TYW3: variants seen among roughly 807,000 people sequenced by gnomAD.
TYW3 encodes tRNA wybutosine-synthesizing protein 3 homolog.
TYW3 carries 26 observed loss-of-function variants against 23.1 expected under a neutral mutation model. That is an observed-to-expected ratio of 1.13 (90% CI 0.83 to 1.56). The LOEUF (loss-of-function observed/expected upper bound fraction) is 1.56. TYW3 is among the 40% of genes most tolerant of loss of function. TYW3 has a pLI of 0.00. For missense variants in TYW3, 316 were observed against 311.9 expected (o/e 1.01, Z -0.10); for synonymous variants, 102 against 105.7 (o/e 0.97, Z 0.21).
At chr1:74,754,486 A>G (rs954000746) in intron 5 of TYW3, among the ~76,000 whole-genome samples, 3 of 152,178 alleles carry the variant, frequency 2.0e-5, no homozygotes, top group Admixed American at 6.5e-5. Flanking sequence ...TGTATGTTCA[A>G]CCAAATGCAG....
chr1:74,752,549 C>A (rs1648822709), intron 5 of TYW3, 124 bp downstream of exon 5: 1 of 830,764 alleles, frequency 1.2e-6, no homozygotes, highest in Non-Finnish European at 1.7e-6. Context: ...TTTAAAAATA[C>A]TTTTATTATC....
In TYW3 at chr1:74,736,525, G is replaced by A. The variant is rs1438131504; in HGVS notation, c.175-17G>A. 6.4e-7 allele frequency: 1 copy of A among 1,559,172 alleles called. No homozygotes were observed. Among genetic ancestry groups the A allele is most frequent in the Non-Finnish European group, 8.7e-7 (1 of 1,149,130 alleles). On this transcript the variant is annotated splice_polypyrimidine_tract_variant and intron_variant, in intron 1 of 5. Transcript: ENST00000370867. ...AAATATTATATGAAACTTAAATTATGTTATTTTTTATTTTAGGGTATAAAT... is the reference window on the plus strand; with the variant it reads ...AAATATTATATGAAACTTAAATTATATTATTTTTTATTTTAGGGTATAAAT...
chr1:74,755,053 C>T (rs958494451), intron 5 of TYW3, among the ~76,000 whole-genome samples: 2 of 152,120 alleles, frequency 1.3e-5, no homozygotes, highest in African/African-American at 4.8e-5. Context: ...TTTTCACCAA[C>T]TGTGTAATGA....
intron 1 of TYW3, 105 bp downstream of exon 1, chr1:74,733,523 C>T: frequency 1.3e-6 from 2 of 1,482,898 alleles, no homozygotes; most frequent in Non-Finnish European, 1.8e-6. Context: ...GTGTTTGCTC[C>T]TCTGAGGGGT....
intron 4 of TYW3, 77 bp from the exon 5 acceptor site, chr1:74,752,215 T>G: frequency 6.9e-7 from 1 of 1,454,358 alleles, no homozygotes; most frequent in Non-Finnish European, 9.3e-7. Flanking sequence ...AACACAGCCC[T>G]GACGGGACTT....
Position 74,752,349 on chromosome 1 carries a change from G to A in TYW3, c.484G>A (p.Val162Met), listed in dbSNP as rs757885611. Residue 162 changes from valine (V) to methionine (M), a missense_variant, in exon 5 of 6, where the codon GTG becomes ATG. Physicochemically the swap from Val to Met is conservative, Grantham distance 21. Transcript: ENST00000370867. Reference protein sequence around the residue: ...VPLSHKGKLMVTEEYIDFLLN... With the variant: ...VPLSHKGKLMMTEEYIDFLLN... ...ATTAAGCCATAAGGGAAAACTGATG[G>A]TGACAGAGGAATATATTGACTTCCT... 1.2e-5 allele frequency: 19 copies of A among 1,613,576 alleles called. No individual in the cohort carries two copies. In the East Asian group the frequency reaches 3.1e-4, roughly 27 times the overall value.
At position 74,741,851 on chromosome 1, in the gene TYW3, A is replaced by G. The variant is rs372913257; in HGVS notation, c.354+3063A>G. The stretch of plus-strand genomic sequence containing the variant: ...TGTTAGTTTTCTTAAGTGCCTCTTG[A>G]GTGTTTCATTTGCCTTCTCGACCTT... On this transcript the variant is annotated intron_variant, in intron 3 of 5. Coordinates refer to ENST00000370867, the MANE Select transcript of TYW3 (RefSeq NM_138467.3). 1.1e-3 allele frequency among the ~76,000 whole-genome samples: 169 copies of G among 152,240 alleles called. 3 individuals carry two copies. The highest frequency in any genetic ancestry group is 3.4e-3 in the Middle Eastern group (1 of 294).
chr1:74,735,707 A>C (rs993741686), intron 1 of TYW3, among the ~76,000 whole-genome samples: 1 of 152,200 alleles, frequency 6.6e-6, no homozygotes, highest in Non-Finnish European at 1.5e-5. Flanking sequence ...AGTAGCCAGC[A>C]CAATGTCAGA....
intron 1 of TYW3, among the ~76,000 whole-genome samples, chr1:74,733,800 G>A (rs28640981): frequency 0.35 from 52,946 of 152,000 alleles, 11,573 homozygotes; most frequent in Non-Finnish European, 0.49. Flanking sequence ...AGCTTGCTAA[G>A]GTATTGAATG....
rs1393322603 is a variant in TYW3 at position 74,745,662 on chromosome 1, G to T, written c.355-3089G>T. 2.6e-5 allele frequency among the ~76,000 whole-genome samples: 4 copies of T among 152,244 alleles called. No homozygotes were observed. The South Asian group carries it at 6.2e-4, about 24-fold the overall frequency. ...ACCTCTCAGAAGGAATGGAAATCAA[G>T]AATGTGATTCATATGTTAAGTGTGA... On this transcript the variant is annotated intron_variant, in intron 3 of 5. Coordinates refer to ENST00000370867, the MANE Select transcript of TYW3 (RefSeq NM_138467.3).
chr1:74,750,213 T>C (rs1648733076), intron 4 of TYW3: 3 of 152,180 alleles, frequency 2.0e-5, no homozygotes, highest in Admixed American at 2.0e-4. Flanking sequence ...GTCTTCTTAC[T>C]TTAGGTCTTC....
At chr1:74,763,144 ATTAGAAG>A (rs1649183382) in intron 5 of TYW3, among the ~76,000 whole-genome samples, 1 of 146,314 alleles carries the variant, frequency 6.8e-6, no homozygotes, top group Non-Finnish European at 1.6e-5. Flanking sequence ...AAGTGCAGCT[ATTAGAAG>A]CGTATTTCTT....
intron 3 of TYW3, among the ~76,000 whole-genome samples, chr1:74,742,536 G>C (rs1221750013): frequency 6.6e-6 from 1 of 152,154 alleles, no homozygotes; most frequent in Non-Finnish European, 1.5e-5. Context: ...CCTTCCGTAG[G>C]TATTTCTAAT....
chr1:74,738,340 T>C (rs1648224473), intron 2 of TYW3, among the ~76,000 whole-genome samples: 1 of 152,144 alleles, frequency 6.6e-6, no homozygotes, highest in Non-Finnish European at 1.5e-5. Context: ...TGTCTCTATC[T>C]CAATCTAACA....
In TYW3 at chr1:74,756,199, C is replaced by T. The variant is rs569142420; in HGVS notation, c.560+3774C>T. ...GGACTAATACAGTAAATTGGTACCA[C>T]TATAGTGGGGCACTGCGGAAAAGAT... On this transcript the variant is annotated intron_variant, in intron 5 of 5. Transcript: ENST00000370867. Among the ~76,000 whole-genome samples, 3 of 152,264 alleles carry T rather than the reference C, an allele frequency of 2.0e-5. No individual in the cohort carries two copies. In the South Asian group the frequency reaches 6.2e-4, roughly 32 times the overall value.
At chr1:74,744,094 T>C (rs1317901663) in intron 3 of TYW3, among the ~76,000 whole-genome samples, 1 of 152,072 alleles carries the variant, frequency 6.6e-6, no homozygotes, top group Non-Finnish European at 1.5e-5. Flanking sequence ...CTTGTTTCCT[T>C]CTGGGAGGGG....
intron 2 of TYW3, among the ~76,000 whole-genome samples, chr1:74,736,872 C>A (rs142835219): frequency 6.6e-6 from 1 of 152,276 alleles, no homozygotes; most frequent in African/African-American, 2.4e-5. Flanking sequence ...GGATATTGGA[C>A]ACCTATTGGA....
Position 74,738,805 on chromosome 1 carries a change from A to C in TYW3, c.354+17A>C, listed in dbSNP as rs1269017133. 1.3e-6 allele frequency: 2 copies of C among 1,592,572 alleles called. No individual in the cohort carries two copies. The highest frequency in any genetic ancestry group is 3.4e-5 in the Admixed American group (2 of 59,542). ...CAGATTCTGGTAAAATTTTGTTGTAATTGTACTTGAATTTATAGATATGTG... is the reference window on the plus strand; with the variant it reads ...CAGATTCTGGTAAAATTTTGTTGTACTTGTACTTGAATTTATAGATATGTG... On this transcript the variant is annotated intron_variant, in intron 3 of 5. Coordinates refer to ENST00000370867, the MANE Select transcript of TYW3 (RefSeq NM_138467.3).
intron 2 of TYW3, among the ~76,000 whole-genome samples, chr1:74,737,332 G>A (rs917733621): frequency 6.6e-6 from 1 of 152,128 alleles, no homozygotes; most frequent in Admixed American, 6.5e-5. Context: ...TTGCAGAAAT[G>A]GTAGCTGTCA....
Sources: gnomAD v4.1 joint callset for allele counts (sites outside exome capture counted in the v4.1 genomes callset) on GRCh38, gnomAD v4.1.1 for gene constraint, MANE v1.5 for transcripts, NCBI Gene and HGNC (gene_info 2026-07-23, HGNC 2026-07-21) for gene names.